ARHGAP5: variants seen among roughly 807,000 people sequenced by gnomAD.
The protein encoded by ARHGAP5 is Rho GTPase activating protein 5.
In ARHGAP5, 23 loss-of-function variants were observed where a neutral mutation model predicts 116.6. That is an observed-to-expected ratio of 0.20 (90% CI 0.14 to 0.28). The LOEUF (loss-of-function observed/expected upper bound fraction) is 0.28. Among genes scored for constraint, ARHGAP5 ranks in the 10% least tolerant of loss-of-function variants. The pLI is 1.00. For synonymous variants in ARHGAP5, 574 were observed against 602.0 expected (o/e 0.95, Z 0.68); for missense variants, 1,405 against 1,774.8 (o/e 0.79, Z 3.74).
intron 2 of ARHGAP5, among the ~76,000 whole-genome samples, chr14:32,113,567 T>G (rs1343993859): frequency 6.6e-6 from 1 of 152,244 alleles, no homozygotes. Context: ...TATAACTTTA[T>G]GGACCTTGGG....
At chr14:32,135,354 C>A (rs546792044) in intron 3 of ARHGAP5, among the ~76,000 whole-genome samples, 3 of 152,302 alleles carry the variant, frequency 2.0e-5, no homozygotes, top group Non-Finnish European at 2.9e-5. Context: ...GTTCTCTTTT[C>A]ATTTCTCTTC....
chr14:32,140,436 A>T (rs1293422681), intron 3 of ARHGAP5, among the ~76,000 whole-genome samples: 2 of 151,722 alleles, frequency 1.3e-5, no homozygotes, highest in Non-Finnish European at 1.5e-5. Flanking sequence ...AAAAAAAAAA[A>T]ATTAGCCAGG....
In ARHGAP5 at chr14:32,158,760, G is replaced by A. The variant is rs150942994; in HGVS notation, c.*3812G>A. The A allele has an allele frequency of 6.6e-6, 1 of 151,920 alleles. No individual in the cohort carries two copies. The highest frequency in any genetic ancestry group is 1.9e-4 in the East Asian group (1 of 5,180). The allele number at this position is 151,920 out of a possible 1,614,324, so 9.4% of individuals were successfully genotyped here. A position where few individuals can be genotyped will look rare whatever the true frequency, so the allele number is the denominator to read the frequency against. On this transcript the variant is annotated 3_prime_UTR_variant, in exon 7 of 7. Coordinates refer to ENST00000345122, the MANE Select transcript of ARHGAP5 (RefSeq NM_001030055.2). ...GTAAAATTTTCTAAGATTTAATAAG[G>A]GAAGATACTATTCAAATCATTTTCT...
Position 32,092,731 on chromosome 14 carries a change from G to A in ARHGAP5, c.2062G>A (p.Asp688Asn). The change falls in exon 2 of 7, where the codon GAT (aspartate) becomes AAT (asparagine). Residue 688 changes from aspartate (D) to asparagine (N), a missense_variant. Physicochemically the swap from Asp to Asn is conservative, Grantham distance 23. This residue lies in a region of ARHGAP5 where 944 missense variants were observed against 1,095.3 expected (regional missense o/e 0.86). Coordinates refer to ENST00000345122, the MANE Select transcript of ARHGAP5 (RefSeq NM_001030055.2). The surrounding 1 kb of genome is among the most constrained non-coding windows in gnomAD (Gnocchi z 4.1). Reference sequence around the variant, plus strand: ...AACTGAAGCTTCTCAGATCAGAAAAGATAAATACATGGCTAATCTTCCATT... The same window carrying A: ...AACTGAAGCTTCTCAGATCAGAAAAAATAAATACATGGCTAATCTTCCATT... ...IRTEASQIRK[D>N]KYMANLPFTL... 3 of 1,613,690 alleles carry A rather than the reference G, an allele frequency of 1.9e-6. No homozygotes were observed. The highest frequency in any genetic ancestry group is 4.5e-5 in the East Asian group (2 of 44,878).
At chr14:32,128,538 G>A (rs901228847) in intron 3 of ARHGAP5, among the ~76,000 whole-genome samples, 1 of 152,238 alleles carries the variant, frequency 6.6e-6, no homozygotes, top group Non-Finnish European at 1.5e-5. Flanking sequence ...GGCTATCGGT[G>A]CTGAGGCTGG....
At chr14:32,113,955 G>C (rs147076239) in intron 2 of ARHGAP5, among the ~76,000 whole-genome samples, 1 of 152,176 alleles carries the variant, frequency 6.6e-6, no homozygotes, top group Admixed American at 6.5e-5. Context: ...TAGGCCAGGC[G>C]CAGTGACTCA....
chr14:32,146,572 T>TAA (rs1881390208), intron 4 of ARHGAP5, among the ~76,000 whole-genome samples: 1 of 152,168 alleles, frequency 6.6e-6, no homozygotes, highest in Non-Finnish European at 1.5e-5. Flanking sequence ...ACTGATTACT[T>TAA]TTAGAGCCTT....
chr14:32,093,118 A>C lies in ARHGAP5; in HGVS notation c.2449A>C (p.Met817Leu). The part of the protein sequence containing the change: ...AAQAGQNNSL[M>L]LDKIIGEKRR... Reference sequence around the variant, plus strand: ...TCAAGCTGGACAGAATAATTCCCTAATGCTTGATAAAATCATTGGTGAAAA... The same window carrying C: ...TCAAGCTGGACAGAATAATTCCCTACTGCTTGATAAAATCATTGGTGAAAA... Residue 817 changes from methionine to leucine, a missense_variant, in exon 2 of 7, where the codon ATG becomes CTG. Met to Leu is a conservative substitution (Grantham distance 15). Coordinates refer to ENST00000345122, the MANE Select transcript of ARHGAP5 (RefSeq NM_001030055.2). The C allele has an allele frequency of 1.9e-6, 3 of 1,613,960 alleles. No individual in the cohort carries two copies. Among genetic ancestry groups the C allele is most frequent in the Non-Finnish European group, 2.5e-6 (3 of 1,179,912 alleles).
chr14:32,132,903 T>C (rs1880580251), intron 3 of ARHGAP5, among the ~76,000 whole-genome samples: 1 of 152,172 alleles, frequency 6.6e-6, no homozygotes, highest in Admixed American at 6.5e-5. Flanking sequence ...TGTAGATATG[T>C]GGCATTATTT....
chr14:32,122,264 A>G (rs1879925523), intron 3 of ARHGAP5, among the ~76,000 whole-genome samples: 1 of 152,186 alleles, frequency 6.6e-6, no homozygotes, highest in African/African-American at 2.4e-5. Flanking sequence ...TTCCCTGATG[A>G]CTAATGATGC....
rs148396471 is a variant in ARHGAP5 at position 32,137,389 on chromosome 14, G to A, written c.3866-8874G>A. On this transcript the variant is annotated intron_variant, in intron 3 of 6. Transcript: ENST00000345122. ...AAATCAGTTGGCCATAGATACATGG[G>A]TTTATTTCTGTGCTCTCAGTTCTAT... 2.6e-5 allele frequency among the ~76,000 whole-genome samples: 4 copies of A among 151,430 alleles called. No individual in the cohort carries two copies. In the East Asian group the frequency reaches 7.8e-4, roughly 29 times the overall value.
chr14:32,154,060 A>G (rs955614083), intron 6 of ARHGAP5: 2 of 152,810 alleles, frequency 1.3e-5, no homozygotes, highest in Non-Finnish European at 2.9e-5. Flanking sequence ...ACAGTAGTCA[A>G]AGAAGTTACA....
chr14:32,091,908 C>G lies in ARHGAP5; in HGVS notation c.1239C>G (p.Val413=). ...DLLSTLEAEK[V]YQNHVQHLIS... is the part of the protein sequence containing the mutation. ...TGAGCACTTTAGAAGCTGAAAAAGT[C>G]TATCAGAACCATGTACAGCATCTGA... is the stretch of plus-strand genomic sequence containing the variant. The change falls in exon 2 of 7, where the codon GTC becomes GTG. Residue 413 remains valine (V), a synonymous_variant. Transcript: ENST00000345122. The G allele has an allele frequency of 2.5e-6, 4 of 1,613,426 alleles. No individual in the cohort carries two copies. In the South Asian group the frequency reaches 3.3e-5, roughly 13 times the overall value.
chr14:32,095,039 G>A (rs767595190), intron 2 of ARHGAP5, among the ~76,000 whole-genome samples: 5 of 152,066 alleles, frequency 3.3e-5, no homozygotes, highest in Non-Finnish European at 5.9e-5. Flanking sequence ...TTTTCACAGT[G>A]GTATTTTAGC....
At chr14:32,149,800 C>A in intron 4 of ARHGAP5, 102 bp from the exon 5 acceptor site, 1 of 644,824 alleles carries the variant, frequency 1.6e-6, no homozygotes, top group Non-Finnish European at 2.3e-6. Context: ...AGAAAAGTGG[C>A]CCAAGACTTA....
intron 3 of ARHGAP5, among the ~76,000 whole-genome samples, chr14:32,130,821 G>A (rs561205342): frequency 7.0e-4 from 107 of 152,282 alleles, no homozygotes; most frequent in Middle Eastern, 6.8e-3. Context: ...ATGAGCCACC[G>A]CACCCAGCCT....
chr14:32,143,202 A>AGTAGTT (rs1555359264), intron 3 of ARHGAP5, among the ~76,000 whole-genome samples: 18 of 145,334 alleles, frequency 1.2e-4, no homozygotes, highest in South Asian at 2.3e-4. Context: ...ACATTATTTT[A>AGTAGTT]GTTGTTGTTG....
At chr14:32,079,853 G>GT (rs1448204482) in intron 1 of ARHGAP5, among the ~76,000 whole-genome samples, 1 of 152,130 alleles carries the variant, frequency 6.6e-6, no homozygotes, top group Non-Finnish European at 1.5e-5. Context: ...ATGGTCCACA[G>GT]TTTTTTCTTT....
In ARHGAP5 at chr14:32,094,171, T is replaced by G. The variant is rs1461036241; in HGVS notation, c.3502T>G (p.Tyr1168Asp). The G allele has an allele frequency of 6.2e-7, 1 of 1,612,878 alleles. No individual in the cohort carries two copies. The highest frequency in any genetic ancestry group is 8.5e-7 in the Non-Finnish European group (1 of 1,179,768). ...KTLFSKAKSY[Y>D]RRTHSDASDD... ...CTTGTTTAGTAAAGCCAAGTCATAC[T>G]ATAGAAGAACACATTCAGATGCCAG... The change falls in exon 2 of 7, where the codon TAT (tyrosine) becomes GAT (aspartate). Residue 1168 changes from tyrosine (Y) to aspartate (D), a missense_variant. By Grantham distance (160) the Tyr-to-Asp change is radical. Transcript: ENST00000345122.
Sources: allele counts gnomAD v4.1 joint callset (sites outside exome capture counted in the v4.1 genomes callset), GRCh38; gene constraint gnomAD v4.1.1; regional missense constraint gnomAD v4.1.1; non-coding constraint Gnocchi (gnomAD v3.1); transcripts MANE v1.5; gene names NCBI Gene and HGNC (gene_info 2026-07-23, HGNC 2026-07-21).